DSG1: variants seen among roughly 807,000 people sequenced by gnomAD.
The protein encoded by DSG1 is desmoglein 1, also known as desmoglein-1.
Under a neutral mutation model 97.5 loss-of-function variants are expected in DSG1, and 39 were observed. The observed-to-expected ratio is 0.40, with a 90% confidence interval of 0.31 to 0.52. The LOEUF (loss-of-function observed/expected upper bound fraction) is 0.52. Ranked by LOEUF, DSG1 falls within the 20% of genes least tolerant of loss-of-function variation. DSG1 has a pLI of 0.53. For missense variants in DSG1, 1,311 were observed against 1,295.4 expected (o/e 1.01, Z -0.18); for synonymous variants, 475 against 443.4 (o/e 1.07, Z -0.90).
intron 14 of DSG1, among the ~76,000 whole-genome samples, chr18:31,351,026 G>T (rs1297075156): frequency 1.3e-5 from 2 of 149,550 alleles, no homozygotes; most frequent in African/African-American, 2.6e-5. Context: ...GAATGTGTTT[G>T]CTCTTGCTTT....
chr18:31,338,674 T>A (rs182249101), intron 10 of DSG1, among the ~76,000 whole-genome samples: 1 of 152,196 alleles, frequency 6.6e-6, no homozygotes, highest in Admixed American at 6.5e-5. Context: ...CCACCATCAC[T>A]TACTAGCTAT....
intron 2 of DSG1, 107 bp downstream of exon 2, chr18:31,326,723 A>G: frequency 1.5e-6 from 2 of 1,308,554 alleles, no homozygotes; most frequent in Non-Finnish European, 2.2e-6. Context: ...AAGTTCATAT[A>G]ATGCTAAAAT....
rs1237005695 is a variant in DSG1, at chr18:31,358,014, A to G, written c.*2668A>G. ...TCTTCTTCTTAGATGTTTACTCTAG[A>G]TCATATACATCATGTCATAGACCAA... is the stretch of plus-strand genomic sequence containing the variant. On this transcript the variant is annotated 3_prime_UTR_variant, in exon 15 of 15. Coordinates refer to ENST00000257192, the MANE Select transcript of DSG1 (RefSeq NM_001942.4). Among the ~76,000 whole-genome samples, 1 of 152,042 alleles carries G rather than the reference A, an allele frequency of 6.6e-6. No homozygotes were observed. The highest frequency in any genetic ancestry group is 2.4e-5 in the African/African-American group (1 of 41,446).
intron 14 of DSG1, among the ~76,000 whole-genome samples, chr18:31,348,076 T>C (rs898581147): frequency 1.3e-5 from 2 of 151,092 alleles, no homozygotes; most frequent in Non-Finnish European, 1.5e-5. Context: ...CACTAACTCG[T>C]CATCTAGCAT....
chr18:31,350,837 C>T (rs1429766560), intron 14 of DSG1, among the ~76,000 whole-genome samples: 1 of 151,352 alleles, frequency 6.6e-6, no homozygotes, highest in South Asian at 2.1e-4. Context: ...TTTTTTATTG[C>T]ATCTATTTGA....
chr18:31,355,134 G>T lies in DSG1; in HGVS notation c.2938G>T (p.Val980Phe). Reference sequence around the variant, plus strand: ...CGGTGGCATAGGCAGCAGTGGCCTGGTTGGCACCAGCATGGGTGCTGGGAG... The same window carrying T: ...CGGTGGCATAGGCAGCAGTGGCCTGTTTGGCACCAGCATGGGTGCTGGGAG... ...ISGGIGSSGL[V>F]GTSMGAGSGA... Residue 980 changes from valine (V) to phenylalanine (F), a missense_variant, in exon 15 of 15, where the codon GTT (valine) becomes TTT (phenylalanine). Physicochemically the swap from Val to Phe is conservative, Grantham distance 50 (BLOSUM62 -1). Coordinates refer to ENST00000257192, the MANE Select transcript of DSG1 (RefSeq NM_001942.4). The T allele has an allele frequency of 6.2e-7, 1 of 1,612,684 alleles. No individual in the cohort carries two copies. The highest frequency in any genetic ancestry group is 8.5e-7 in the Non-Finnish European group (1 of 1,178,896).
At chr18:31,344,141 G>A in intron 13 of DSG1, 146 bp downstream of exon 13, 2 of 689,446 alleles carry the variant, frequency 2.9e-6, no homozygotes, top group East Asian at 2.7e-5. Context: ...TAAATTAAAT[G>A]GCAAGGAAAA....
chr18:31,338,198 A>G, intron 9 of DSG1, 117 bp from the exon 10 acceptor site: 5 of 1,114,560 alleles, frequency 4.5e-6, no homozygotes, highest in South Asian at 4.3e-5. Flanking sequence ...GTCTCTAGTA[A>G]TTGAAAACTG....
intron 1 of DSG1, among the ~76,000 whole-genome samples, chr18:31,321,528 T>C (rs1017035533): frequency 6.6e-6 from 1 of 152,346 alleles, no homozygotes; most frequent in African/African-American, 2.4e-5. Context: ...TTAACAGTTA[T>C]ATGGTGTTCA....
At chr18:31,334,927 G>A (rs1170127100) in intron 8 of DSG1, among the ~76,000 whole-genome samples, 4 of 152,082 alleles carry the variant, frequency 2.6e-5, no homozygotes, top group African/African-American at 4.8e-5. Context: ...TTACACAGTC[G>A]ATTTTTAAAA....
chr18:31,355,080 A>G lies in DSG1; in HGVS notation c.2884A>G (p.Thr962Ala). The G allele has an allele frequency of 6.2e-7, 1 of 1,614,198 alleles. No homozygotes were observed. Among genetic ancestry groups the G allele is most frequent in the South Asian group, 1.1e-5 (1 of 91,076 alleles). ...GAGGGTTGTTTCTGGTGCTGGCGTA[A>G]CTGGAATTAGTGGCACCACTGGGAT... ...TERVVSGAGVTGISGTTGISG... is the reference protein window; with the variant it reads ...TERVVSGAGVAGISGTTGISG... The change falls in exon 15 of 15, where the codon ACT becomes GCT. Residue 962 changes from threonine (T) to alanine (A), a missense_variant. By Grantham distance (58) the Thr-to-Ala change is moderately conservative. Around this residue, in one of 3 missense-constraint regions of DSG1, gnomAD observed 1,038 missense variants for 964.6 expected, o/e 1.08. Transcript: ENST00000257192.
At chr18:31,335,564 C>T (rs940329424) in intron 8 of DSG1, among the ~76,000 whole-genome samples, 6 of 149,570 alleles carry the variant, frequency 4.0e-5, no homozygotes, top group African/African-American at 1.5e-4. Flanking sequence ...TTTGATTTTA[C>T]ATCCATTCTT....
intron 5 of DSG1, among the ~76,000 whole-genome samples, chr18:31,331,426 A>G (rs990607860): frequency 2.0e-5 from 3 of 152,064 alleles, no homozygotes; most frequent in Non-Finnish European, 2.9e-5. Context: ...AGAAGAAAAT[A>G]TGCTAGAAGA....
chr18:31,335,837 T>C (rs1287671485), intron 8 of DSG1, among the ~76,000 whole-genome samples: 1 of 150,318 alleles, frequency 6.7e-6, no homozygotes, highest in Non-Finnish European at 1.5e-5. Flanking sequence ...AAAATAGATT[T>C]ATTTATATTA....
At chr18:31,326,491 G>T (rs1044915005) in intron 1 of DSG1, 90 bp from the exon 2 acceptor site, 1 of 1,031,652 alleles carries the variant, frequency 9.7e-7, no homozygotes, top group Non-Finnish European at 1.5e-6. Context: ...CAAGCCTATG[G>T]TTTCATGTTG....
In DSG1 at chr18:31,346,083, C is replaced by G; in HGVS notation, c.1985C>G (p.Thr662Ser). 6.2e-7 allele frequency: 1 copy of G among 1,613,822 alleles called. No homozygotes were observed. The highest frequency in any genetic ancestry group is 8.5e-7 in the Non-Finnish European group (1 of 1,179,778). ...TTTGAACTAACAGAGGGAGTTAAAACTTCAGGAATGCCTGAGATATGTCAA... is the reference window on the plus strand; with the variant it reads ...TTTGAACTAACAGAGGGAGTTAAAAGTTCAGGAATGCCTGAGATATGTCAA... ...TGFELTEGVK[T>S]SGMPEICQEY... The change falls in exon 14 of 15, where the codon ACT (threonine) becomes AGT (serine). Residue 662 changes from threonine to serine, a missense_variant. Thr to Ser is a moderately conservative substitution (Grantham distance 58, BLOSUM62 1). Coordinates refer to ENST00000257192, the MANE Select transcript of DSG1 (RefSeq NM_001942.4).
chr18:31,352,943 A>G (rs2071912546), intron 14 of DSG1, among the ~76,000 whole-genome samples: 1 of 143,778 alleles, frequency 7.0e-6, no homozygotes, highest in Admixed American at 7.1e-5. Flanking sequence ...GAGTAATTTG[A>G]TCGTCTGAAG....
At chr18:31,334,631 T>A (rs2071740752) in intron 8 of DSG1, among the ~76,000 whole-genome samples, 1 of 152,128 alleles carries the variant, frequency 6.6e-6, no homozygotes, top group African/African-American at 2.4e-5. Context: ...AAAAATGTAT[T>A]TATTCCTCCC....
chr18:31,338,500 T>C, intron 10 of DSG1, 46 bp downstream of exon 10: 4 of 1,589,698 alleles, frequency 2.5e-6, no homozygotes, highest in Non-Finnish European at 3.5e-6. Flanking sequence ...GAAAGCTGTA[T>C]ATACCTTAAG....
Sources: allele counts gnomAD v4.1 joint callset (sites outside exome capture counted in the v4.1 genomes callset), GRCh38; gene constraint gnomAD v4.1.1; regional missense constraint gnomAD v4.1.1; transcripts MANE v1.5; gene names NCBI Gene and HGNC (gene_info 2026-07-23, HGNC 2026-07-21).